MYCBP2: variants seen among roughly 807,000 people sequenced by gnomAD.
MYCBP2 encodes MYC binding protein 2.
A neutral mutation model predicts 525.3 loss-of-function variants in MYCBP2; 120 were observed. The observed-to-expected ratio is 0.23, with a 90% CI of 0.20 to 0.27. The LOEUF is 0.27. Ranked by LOEUF, MYCBP2 falls within the 10% of genes least tolerant of loss-of-function variation. The pLI is 1.00. For missense variants in MYCBP2, 4,149 were observed against 5,657.1 expected (o/e 0.73, Z 8.55); for synonymous variants, 1,894 against 1,955.8 (o/e 0.97, Z 0.83).
rs200479565 is a variant in MYCBP2, at chr13:77,098,954, G to C, written c.8200C>G (p.Leu2734Val). The C allele has an allele frequency of 6.2e-7, 1 of 1,612,720 alleles. No individual in the cohort carries two copies. The highest frequency in any genetic ancestry group is 8.5e-7 in the Non-Finnish European group (1 of 1,179,680). Residue 2734 changes from leucine (L) to valine (V), a missense_variant, in exon 56 of 83, where the codon CTG (leucine) becomes GTG (valine). Leu to Val is a conservative substitution (Grantham distance 32). Coordinates refer to ENST00000544440, the MANE Select transcript of MYCBP2 (RefSeq NM_015057.5). The stretch of plus-strand genomic sequence containing the variant: ...AGCGATCTGCTGTGTTTAGAGGACA[G>C]CTCTGATTTTCCTGATGTAGAGGCT... ...KPASTSGKSE[L>V]SSKHSRSLKP...
chr13:77,240,715 C>T (rs1040018759), intron 17 of MYCBP2, among the ~76,000 whole-genome samples: 3 of 152,300 alleles, frequency 2.0e-5, no homozygotes, highest in East Asian at 3.9e-4. Flanking sequence ...GTCCTCCTTT[C>T]GCATGATTCT....
chr13:77,050,906 T>C lies in MYCBP2; in HGVS notation c.13921+91A>G, dbSNP rs2036664123. The stretch of plus-strand genomic sequence containing the variant: ...TCTTTAGGCTAGTTTGAATTGAGTT[T>C]CTGTCACTTGAAACAGAGCTTTCAT... On this transcript the variant is annotated intron_variant, in intron 82 of 82. Coordinates refer to ENST00000544440, the MANE Select transcript of MYCBP2 (RefSeq NM_015057.5). 7.0e-6 allele frequency: 8 copies of C among 1,146,326 alleles called. No individual in the cohort carries two copies. The South Asian group carries it at 1.2e-4, about 17-fold the overall frequency. The allele number at this position is 1,146,326 out of a possible 1,614,324, so 71.0% of individuals were successfully genotyped here.
At chr13:77,121,553 C>T in intron 54 of MYCBP2, 58 bp from the exon 55 acceptor site, 2 of 1,389,150 alleles carry the variant, frequency 1.4e-6, no homozygotes, top group African/African-American at 2.9e-5. Context: ...CCTATTCATA[C>T]AACAAAGAGA....
intron 77 of MYCBP2, 90 bp downstream of exon 77, chr13:77,059,433 T>A: frequency 1.1e-6 from 1 of 938,852 alleles, no homozygotes; most frequent in Non-Finnish European, 1.7e-6. Flanking sequence ...GAAGCTGGAG[T>A]GACGCTGAGC....
At chr13:77,075,561 A>T (rs1719557465) in intron 68 of MYCBP2, 2 of 151,814 alleles carry the variant, frequency 1.3e-5, no homozygotes, top group Non-Finnish European at 2.9e-5. Context: ...TTCTCTGACC[A>T]CTCCAGGGCA....
intron 7 of MYCBP2, among the ~76,000 whole-genome samples, chr13:77,269,280 G>C (rs9600849): frequency 0.027 from 4,091 of 152,266 alleles, 201 homozygotes; most frequent in African/African-American, 0.092. Context: ...AGACTAAAAT[G>C]AAAGAGTCTG....
intron 55 of MYCBP2, among the ~76,000 whole-genome samples, chr13:77,106,005 T>C (rs1038556914): frequency 7.2e-5 from 11 of 152,158 alleles, no homozygotes; most frequent in African/African-American, 1.9e-4. Context: ...CTGATGATAA[T>C]AATAAAACCG....
intron 1 of MYCBP2, among the ~76,000 whole-genome samples, chr13:77,301,438 A>C (rs1233153923): frequency 7.0e-6 from 1 of 142,360 alleles, no homozygotes; most frequent in Non-Finnish European, 1.6e-5. Context: ...AAAAAAAAAA[A>C]AAAAAAAAAA....
chr13:77,162,006 TTTAA>T (rs754083684), intron 43 of MYCBP2, 51 bp from the exon 44 acceptor site: 4 of 1,251,188 alleles, frequency 3.2e-6, no homozygotes, highest in Non-Finnish European at 4.6e-6. Context: ...TTTAGTTTAG[TTTAA>T]TTTTCTAGTC....
chr13:77,118,189 A>G (rs2050101055), intron 55 of MYCBP2: 1 of 574,018 alleles, frequency 1.7e-6, no homozygotes, highest in Non-Finnish European at 3.1e-6. Context: ...TTAGCTCAGA[A>G]TAGCTTAGAT....
intron 80 of MYCBP2, among the ~76,000 whole-genome samples, chr13:77,055,227 G>C (rs2037708197): frequency 6.6e-6 from 1 of 152,102 alleles, no homozygotes; most frequent in African/African-American, 2.4e-5. Context: ...AGGAATTAAG[G>C]GTTTTAAGGA....
At chr13:77,050,651 TAAA>T (rs58763547) in intron 82 of MYCBP2, among the ~76,000 whole-genome samples, 1 of 144,290 alleles carries the variant, frequency 6.9e-6, no homozygotes, top group Non-Finnish European at 1.5e-5. Flanking sequence ...CAGGCTTCGT[TAAA>T]AAAAAAAAAA....
At position 77,164,546 on chromosome 13, in the gene MYCBP2, G is replaced by A; in HGVS notation, c.6460-5C>T. The A allele has an allele frequency of 6.3e-7, 1 of 1,580,004 alleles. No homozygotes were observed. The highest frequency in any genetic ancestry group is 8.7e-7 in the Non-Finnish European group (1 of 1,149,610). On this transcript the variant is annotated splice_region_variant and splice_polypyrimidine_tract_variant and intron_variant, in intron 42 of 82. Coordinates refer to ENST00000544440, the MANE Select transcript of MYCBP2 (RefSeq NM_015057.5). ...TTTTTCCAATTGGATGACTCCCTAT[G>A]GAATTGCATAAAATTTGCTGCTTTA... is the stretch of plus-strand genomic sequence containing the variant.
intron 1 of MYCBP2, among the ~76,000 whole-genome samples, chr13:77,311,883 C>T (rs1020146898): frequency 6.6e-5 from 10 of 151,734 alleles, no homozygotes; most frequent in Non-Finnish European, 1.3e-4. Context: ...AAAAATTTAC[C>T]GATTTGAGAA....
chr13:77,064,472 A>T, intron 73 of MYCBP2, 143 bp downstream of exon 73: 1 of 927,088 alleles, frequency 1.1e-6, no homozygotes, highest in Non-Finnish European at 1.6e-6. Context: ...AAAGCCCTTT[A>T]TACTTTTTCA....
Position 77,097,703 on chromosome 13 carries a change from T to G in MYCBP2, c.9451A>C (p.Lys3151Gln). The change falls in exon 56 of 83, where the codon AAG (lysine) becomes CAG (glutamine). Residue 3151 changes from lysine (K) to glutamine (Q), a missense_variant. By Grantham distance (53) the Lys-to-Gln change is moderately conservative (BLOSUM62 1). Coordinates refer to ENST00000544440, the MANE Select transcript of MYCBP2 (RefSeq NM_015057.5). The part of the protein sequence containing the change: ...TFEMSMHNTM[K>Q]SKSPLPLTLQ... ...GTTAAGGGAAGAGGAGACTTAGACT[T>G]CATTGTGTTATGCATGGACATTTCA... The G allele has an allele frequency of 6.2e-7, 1 of 1,613,690 alleles. No homozygotes were observed. The highest frequency in any genetic ancestry group is 8.5e-7 in the Non-Finnish European group (1 of 1,179,780).
chr13:77,162,861 T>C (rs1296565506), intron 43 of MYCBP2, among the ~76,000 whole-genome samples: 1 of 152,180 alleles, frequency 6.6e-6, no homozygotes, highest in East Asian at 1.9e-4. Flanking sequence ...TTCACTGTGT[T>C]AGCCAGGATG....
chr13:77,094,351 C>G (rs978291082), intron 58 of MYCBP2, among the ~76,000 whole-genome samples: 19 of 152,158 alleles, frequency 1.2e-4, no homozygotes, highest in Non-Finnish European at 1.9e-4. Context: ...TATATGAAAA[C>G]AGAATACTAA....
At chr13:77,137,183 A>T (rs2053888243) in intron 52 of MYCBP2, among the ~76,000 whole-genome samples, 1 of 152,198 alleles carries the variant, frequency 6.6e-6, no homozygotes, top group Non-Finnish European at 1.5e-5. Flanking sequence ...TGTCTACTAC[A>T]GATTGTCTCT....
Sources: gnomAD v4.1 joint callset for allele counts (sites outside exome capture counted in the v4.1 genomes callset) on GRCh38, gnomAD v4.1.1 for gene constraint, MANE v1.5 for transcripts, NCBI Gene and HGNC (gene_info 2026-07-23, HGNC 2026-07-21) for gene names.